BLTP1: variants seen among roughly 807,000 people sequenced by gnomAD.
BLTP1 encodes fragile site-associated protein.
chr4:122,158,583 C>A, the BLTP1 span, among the ~76,000 whole-genome samples: 1 of 151,730 alleles, frequency 6.6e-6, no homozygotes, highest in Non-Finnish European at 1.5e-5. Flanking sequence ...CTGGCTAACA[C>A]GGTGAAACCC....
the BLTP1 span, chr4:122,187,368 T>C: frequency 6.3e-7 from 1 of 1,594,524 alleles, no homozygotes; most frequent in Non-Finnish European, 8.5e-7. Context: ...TGTGAGGAAG[T>C]GAACTATGTC....
At chr4:122,239,558 TACTC>T in the BLTP1 span, 1 of 1,610,018 alleles carries the variant, frequency 6.2e-7, no homozygotes, top group Non-Finnish European at 8.5e-7. Context: ...TGTCTCCTAA[TACTC>T]AGGATAAGTC....
At chr4:122,198,729 A>C in the BLTP1 span, among the ~76,000 whole-genome samples, 1 of 152,096 alleles carries the variant, frequency 6.6e-6, no homozygotes, top group African/African-American at 2.4e-5. Context: ...CAAAGAGAAA[A>C]TGGACTTAGG....
At chr4:122,160,429 A>T in the BLTP1 span, among the ~76,000 whole-genome samples, 1 of 152,196 alleles carries the variant, frequency 6.6e-6, no homozygotes, top group Non-Finnish European at 1.5e-5. Context: ...TGTACATGTA[A>T]TGAGTAATGT....
the BLTP1 span, chr4:122,331,441 A>G: frequency 1.2e-6 from 2 of 1,612,124 alleles, no homozygotes; most frequent in Non-Finnish European, 8.5e-7. Flanking sequence ...AGAGAGAAAT[A>G]TTGACTTTGA....
the BLTP1 span, chr4:122,223,011 T>C: frequency 1.1e-6 from 1 of 904,676 alleles, no homozygotes; most frequent in African/African-American, 1.8e-5. Context: ...TACTGAGAAT[T>C]ATTGAGTCTC....
chr4:122,237,981 CAAAAAA>C, the BLTP1 span: 12 of 786,228 alleles, frequency 1.5e-5, no homozygotes, highest in East Asian at 1.9e-4. Flanking sequence ...GACTCCATCT[CAAAAAA>C]AAAAAAAAAA....
At chr4:122,295,712 G>A in the BLTP1 span, among the ~76,000 whole-genome samples, 125 of 152,050 alleles carry the variant, frequency 8.2e-4, 1 homozygote, top group South Asian at 1.9e-3. Context: ...CTGACAAACC[G>A]AATCCAGAAG....
At chr4:122,356,950 A>G in the BLTP1 span, 1 of 984,312 alleles carries the variant, frequency 1.0e-6, no homozygotes, top group Non-Finnish European at 1.2e-6. Context: ...ATGGTGTTTT[A>G]TACTTTACAA....
At chr4:122,280,227 C>T in the BLTP1 span, 2 of 979,958 alleles carry the variant, frequency 2.0e-6, no homozygotes, top group African/African-American at 1.8e-5. Flanking sequence ...TTAAGAGATC[C>T]TAGAGATTTG....
At chr4:122,356,872 G>T in the BLTP1 span, 13 of 1,461,180 alleles carry the variant, frequency 8.9e-6, no homozygotes, top group East Asian at 3.1e-4. Context: ...GTGAGTTGAA[G>T]ATATCAGTAA....
chr4:122,327,223 G>A, the BLTP1 span, among the ~76,000 whole-genome samples: 3 of 148,346 alleles, frequency 2.0e-5, no homozygotes, highest in Non-Finnish European at 4.5e-5. Context: ...CAATATCTGT[G>A]GGGGATTGGT....
chr4:122,158,398 C>A, the BLTP1 span, among the ~76,000 whole-genome samples: 1 of 152,154 alleles, frequency 6.6e-6, no homozygotes. Flanking sequence ...ATTTAAAAGT[C>A]ATGATTTCTT....
chr4:122,169,316 G>A, the BLTP1 span, among the ~76,000 whole-genome samples: 1 of 152,154 alleles, frequency 6.6e-6, no homozygotes, highest in Non-Finnish European at 1.5e-5. Context: ...AACAGGTTTA[G>A]AAAGTTAAGT....
the BLTP1 span, among the ~76,000 whole-genome samples, chr4:122,218,066 G>A: frequency 6.6e-6 from 1 of 151,698 alleles, no homozygotes; most frequent in Non-Finnish European, 1.5e-5. Context: ...AATATCTCCA[G>A]TTTTGTTTCT....
the BLTP1 span, chr4:122,229,252 G>C: frequency 2.5e-6 from 4 of 1,588,864 alleles, no homozygotes; most frequent in Non-Finnish European, 3.4e-6. Flanking sequence ...TAAGTGTTTT[G>C]CTTGGCTGGT....
the BLTP1 span, among the ~76,000 whole-genome samples, chr4:122,232,329 A>G: frequency 1.3e-5 from 2 of 152,208 alleles, no homozygotes; most frequent in Non-Finnish European, 2.9e-5. Context: ...GCCAGGGAAA[A>G]TACAGGATGC....
the BLTP1 span, chr4:122,169,868 A>G: frequency 4.1e-6 from 4 of 985,238 alleles, no homozygotes; most frequent in Non-Finnish European, 4.8e-6. Context: ...CCATGGAATA[A>G]TGGAGAATAC....
chr4:122,317,256 C>T, the BLTP1 span, among the ~76,000 whole-genome samples: 24 of 151,326 alleles, frequency 1.6e-4, no homozygotes, highest in African/African-American at 3.4e-4. Context: ...CGCTTGAGCC[C>T]GGGAGGAGGA....
Sources: allele counts gnomAD v4.1 joint callset (sites outside exome capture counted in the v4.1 genomes callset), GRCh38; gene constraint gnomAD v4.1.1; transcripts MANE v1.5; gene names NCBI Gene and HGNC (gene_info 2026-07-23, HGNC 2026-07-21).